Variants in DLC1 observed in about 807,000 individuals in gnomAD.
DLC1 encodes DLC1 Rho GTPase activating protein.
Under a neutral mutation model 140.3 loss-of-function variants are expected in DLC1, and 54 were observed. The ratio of observed to expected loss-of-function variants is 0.38; its 90% confidence interval spans 0.31 to 0.48. The LOEUF (loss-of-function observed/expected upper bound fraction) is 0.48. Among genes scored for constraint, DLC1 ranks in the 20% least tolerant of loss-of-function variants. DLC1 has a pLI of 0.96. For synonymous variants in DLC1, 986 were observed against 728.1 expected (o/e 1.35, Z -5.70); for missense variants, 2,536 against 1,907.0 (o/e 1.33, Z -6.14).
At chr8:13,356,995 C>G (rs894111371) in intron 4 of DLC1, among the ~76,000 whole-genome samples, 4 of 151,160 alleles carry the variant, frequency 2.6e-5, no homozygotes, top group Non-Finnish European at 5.9e-5. Context: ...CCCTGCTGGC[C>G]AGGTGATTCA....
At chr8:13,593,825 T>C (rs1414433755) in intron 1 of DLC1, among the ~76,000 whole-genome samples, 1 of 151,976 alleles carries the variant, frequency 6.6e-6, no homozygotes, top group Non-Finnish European at 1.5e-5. Flanking sequence ...CTTGAGGTGG[T>C]GTGGGCAAAG....
At chr8:13,202,451 A>G (rs551549539) in intron 5 of DLC1, among the ~76,000 whole-genome samples, 1 of 152,140 alleles carries the variant, frequency 6.6e-6, no homozygotes, top group Non-Finnish European at 1.5e-5. Flanking sequence ...GTATTCCTGG[A>G]TATTTAGGCC....
intron 1 of DLC1, among the ~76,000 whole-genome samples, chr8:13,555,632 C>T (rs1431402220): frequency 6.6e-6 from 1 of 151,790 alleles, no homozygotes; most frequent in Admixed American, 6.6e-5. Flanking sequence ...GCTGAGACTA[C>T]AGGTGCCCGC....
chr8:13,090,429 T>A lies in DLC1; in HGVS notation c.3897A>T (p.Glu1299Asp). Residue 1299 changes from glutamate (E) to aspartate (D), a missense_variant, in exon 15 of 18, where the codon GAA becomes GAT. Coordinates refer to ENST00000276297, the MANE Select transcript of DLC1 (RefSeq NM_182643.3). Reference protein sequence around the residue: ...EMSRCRNSYTEQELKPLTLEA... With the variant: ...EMSRCRNSYTDQELKPLTLEA... ...CCAGAGTGAGGGGCTTCAGCTCTTG[T>A]TCGGTATAGGAATTACGACATCGGC... The A allele has an allele frequency of 6.2e-7, 1 of 1,614,174 alleles. No individual in the cohort carries two copies. The highest frequency in any genetic ancestry group is 8.5e-7 in the Non-Finnish European group (1 of 1,180,038).
intron 4 of DLC1, among the ~76,000 whole-genome samples, chr8:13,380,708 G>A (rs1836211746): frequency 6.6e-6 from 1 of 152,198 alleles, no homozygotes; most frequent in Non-Finnish European, 1.5e-5. Flanking sequence ...ACAGCTCCCT[G>A]TGATCGGATG....
intron 5 of DLC1, among the ~76,000 whole-genome samples, chr8:13,199,343 C>G (rs1827246834): frequency 6.6e-6 from 1 of 151,980 alleles, no homozygotes; most frequent in Non-Finnish European, 1.5e-5. Context: ...ACCACCACAC[C>G]TGGCTGATTT....
chr8:13,556,497 G>T (rs1427589223), intron 1 of DLC1, among the ~76,000 whole-genome samples: 1 of 152,186 alleles, frequency 6.6e-6, no homozygotes, highest in East Asian at 1.9e-4. Flanking sequence ...GTCCAGACAA[G>T]GTGCCTTCCT....
intron 4 of DLC1, among the ~76,000 whole-genome samples, chr8:13,374,614 C>G (rs1158313429): frequency 6.6e-6 from 1 of 152,166 alleles, no homozygotes; most frequent in African/African-American, 2.4e-5. Context: ...GAAACCCCAT[C>G]TCTGCTAAAA....
intron 1 of DLC1, chr8:13,558,057 G>A (rs1190816404): frequency 6.6e-6 from 1 of 152,164 alleles, no homozygotes; most frequent in East Asian, 1.9e-4. Context: ...GACAGTGGTG[G>A]TTAAAACTGG....
At chr8:13,308,430 T>A (rs1427348856) in intron 4 of DLC1, among the ~76,000 whole-genome samples, 1 of 152,214 alleles carries the variant, frequency 6.6e-6, no homozygotes, top group Non-Finnish European at 1.5e-5. Context: ...ATTCCTCCAA[T>A]GATTTATCTT....
rs1319513394 is a variant in DLC1, at chr8:13,090,373, G to A, written c.3953C>T (p.Ser1318Leu). Residue 1318 changes from serine to leucine, a missense_variant, in exon 15 of 18, where the codon TCA (serine) becomes TTA (leucine). Physicochemically the swap from Ser to Leu is moderately radical, Grantham distance 145. Transcript: ENST00000276297. Reference sequence around the variant, plus strand: ...CTGGAGGAAGTGTTGGTAGTCAGCTGAGTCATCATTACCCAGGTGCCCGAG... The same window carrying A: ...CTGGAGGAAGTGTTGGTAGTCAGCTAAGTCATCATTACCCAGGTGCCCGAG... ...EALGHLGNDDSADYQHFLQDC... is the reference protein window; with the variant it reads ...EALGHLGNDDLADYQHFLQDC... The A allele has an allele frequency of 2.5e-6, 4 of 1,614,090 alleles. No individual in the cohort carries two copies. The highest frequency in any genetic ancestry group is 3.4e-6 in the Non-Finnish European group (4 of 1,180,046).
In DLC1 at chr8:13,110,870, A is replaced by C. The variant is rs374772779; in HGVS notation, c.1421-47T>G. 4 of 1,571,168 alleles carry C rather than the reference A, an allele frequency of 2.5e-6. No homozygotes were observed. The African/African-American group carries it at 5.4e-5, about 21-fold the overall frequency. ...GTATTTGTTGAGCGCCTAAAACCCA[A>C]TTTGCCAAATAGCCCAGTTTACCAA... On this transcript the variant is annotated intron_variant, in intron 6 of 17. Coordinates refer to ENST00000276297, the MANE Select transcript of DLC1 (RefSeq NM_182643.3).
chr8:13,382,669 C>A (rs868421375), intron 4 of DLC1, among the ~76,000 whole-genome samples: 2 of 151,956 alleles, frequency 1.3e-5, no homozygotes, highest in Non-Finnish European at 2.9e-5. Flanking sequence ...CAATGAAAAA[C>A]AAATGTAGAT....
chr8:13,386,600 A>G (rs1836529109), intron 4 of DLC1, among the ~76,000 whole-genome samples: 1 of 152,110 alleles, frequency 6.6e-6, no homozygotes, highest in Non-Finnish European at 1.5e-5. Context: ...AAATTAGAGA[A>G]TTTTGAATTT....
intron 1 of DLC1, among the ~76,000 whole-genome samples, chr8:13,594,482 C>G (rs910353028): frequency 1.3e-5 from 2 of 152,108 alleles, no homozygotes; most frequent in Non-Finnish European, 2.9e-5. Context: ...GCTTTCGTCT[C>G]TTTTCCTTCC....
chr8:13,486,969 T>C (rs1000883720), intron 2 of DLC1, among the ~76,000 whole-genome samples: 7 of 152,190 alleles, frequency 4.6e-5, no homozygotes, highest in Non-Finnish European at 7.4e-5. Flanking sequence ...AGCTGTGATA[T>C]TGACTCAAAG....
Position 13,395,690 on chromosome 8 carries a change from G to T in DLC1, c.1174-1997C>A, listed in dbSNP as rs554818372. On this transcript the variant is annotated intron_variant, in intron 3 of 17. Coordinates refer to ENST00000276297, the MANE Select transcript of DLC1 (RefSeq NM_182643.3). ...ATCAAAACTAAATTTTCTCCAGTTGGAAGGGTACAAAAGACATACGCAGCA... is the reference window on the plus strand; with the variant it reads ...ATCAAAACTAAATTTTCTCCAGTTGTAAGGGTACAAAAGACATACGCAGCA... Among the ~76,000 whole-genome samples, 25 of 152,188 alleles carry T rather than the reference G, an allele frequency of 1.6e-4. No homozygotes were observed. In the South Asian group the frequency reaches 3.1e-3, roughly 19 times the overall value.
chr8:13,427,561 A>T (rs369346494), intron 2 of DLC1, among the ~76,000 whole-genome samples: 3 of 152,316 alleles, frequency 2.0e-5, no homozygotes, highest in African/African-American at 7.2e-5. Context: ...TCAGCTCAGC[A>T]GTCACCTCTT....
chr8:13,411,463 T>TAGACACTAG (rs1563325022), intron 2 of DLC1, among the ~76,000 whole-genome samples: 1 of 151,932 alleles, frequency 6.6e-6, no homozygotes, highest in Admixed American at 6.5e-5. Context: ...TTATATATTA[T>TAGACACTAG]TAGACACCTG....
Sources: gnomAD v4.1 joint callset for allele counts (sites outside exome capture counted in the v4.1 genomes callset) on GRCh38, gnomAD v4.1.1 for gene constraint, MANE v1.5 for transcripts, NCBI Gene and HGNC (gene_info 2026-07-23, HGNC 2026-07-21) for gene names.